The following TLCD5 variants were observed in gnomAD, a reference collection of about 807,000 sequenced individuals.
The protein encoded by TLCD5 is TLC domain containing 5, also known as TLC domain-containing protein 5.
TLCD5 carries 15 observed loss-of-function variants against 20.5 expected under a neutral mutation model. The ratio of observed to expected loss-of-function variants is 0.73; its 90% CI spans 0.49 to 1.13. The LOEUF is 1.13. Ranked by LOEUF, TLCD5 falls within the 50% of genes most tolerant of loss-of-function variation. The pLI, the probability that TLCD5 is intolerant of heterozygous loss-of-function variation, is 0.00. For synonymous variants in TLCD5, 107 were observed against 114.7 expected, an observed-to-expected ratio of 0.93 and a Z score of 0.43; for missense variants, 289 against 305.6, an observed-to-expected ratio of 0.95 and a Z score of 0.41.
At chr11:120,327,147 T>C (rs746020141) in intron 1 of TLCD5, 2 of 561,412 alleles carry the variant, frequency 3.6e-6, no homozygotes, top group Non-Finnish European at 6.3e-6. Context: ...AGGGTTATTA[T>C]TGACATTTAC....
At chr11:120,327,319 A>G in intron 1 of TLCD5, 122 bp from the exon 2 acceptor site, 2 of 1,524,236 alleles carry the variant, frequency 1.3e-6, no homozygotes, top group Non-Finnish European at 1.8e-6. Context: ...TAAGGAAAAT[A>G]AGATAAGGCA....
intron 1 of TLCD5, among the ~76,000 whole-genome samples, chr11:120,326,840 T>C (rs1054167849): frequency 2.0e-5 from 3 of 152,220 alleles, no homozygotes; most frequent in Non-Finnish European, 2.9e-5. Context: ...AAAGCCAGGA[T>C]TTCCCCCCAA....
intron 2 of TLCD5, among the ~76,000 whole-genome samples, chr11:120,328,920 G>GGATTACTCTAATTACCCCA (rs1942078337): frequency 7.9e-6 from 1 of 127,300 alleles, no homozygotes; most frequent in African/African-American, 3.6e-5. Context: ...CAGTCATAGT[G>GGATTACTCTAATTACCCCA]TGTGTGTGTG....
At position 120,333,267 on chromosome 11, in the gene TLCD5, T is replaced by TGGTACCAA. The variant is rs1197588567; in HGVS notation, c.*2753_*2760dup. 6.6e-6 allele frequency: 1 copy of TGGTACCAA among 152,206 alleles called. No homozygotes were observed. The highest frequency in any genetic ancestry group is 2.4e-5 in the African/African-American group (1 of 41,452). 9.4% of individuals were successfully genotyped at this position (152,206 alleles called of 1,614,324 possible). On this transcript the variant is annotated 3_prime_UTR_variant, in exon 3 of 3. Transcript: ENST00000375095. The surrounding 1 kb of genome is among the most constrained non-coding windows in gnomAD (Gnocchi z 4.5). ...ACCAGACAAATGAACAGGCTTAATC[T>TGGTACCAA]GGTACCAATTCTTTTTCTCTCTTAC...
chr11:120,327,421 T>A lies in TLCD5; in HGVS notation c.-1-20T>A. The A allele has an allele frequency of 6.2e-7, 1 of 1,614,110 alleles. No homozygotes were observed. The highest frequency in any genetic ancestry group is 8.5e-7 in the Non-Finnish European group (1 of 1,179,992). On this transcript the variant is annotated intron_variant, in intron 1 of 2. Transcript: ENST00000375095. Reference sequence around the variant, plus strand: ...TAGGGTGCATCCTTTGTTTTTCTGGTTTTGGTCTTTTCATCACAGGATGGC... The same window carrying A: ...TAGGGTGCATCCTTTGTTTTTCTGGATTTGGTCTTTTCATCACAGGATGGC...
chr11:120,327,202 C>A, intron 1 of TLCD5: 1 of 648,344 alleles, frequency 1.5e-6, no homozygotes, highest in Non-Finnish European at 2.6e-6. Flanking sequence ...GAGTGCAGTT[C>A]CTGGTTTCCA....
chr11:120,330,179 G>A lies in TLCD5; in HGVS notation c.402G>A (p.Glu134=). 6.3e-7 allele frequency: 1 copy of A among 1,588,476 alleles called. No individual in the cohort carries two copies. The highest frequency in any genetic ancestry group is 8.6e-7 in the Non-Finnish European group (1 of 1,166,328). The change falls in exon 3 of 3, where the codon GAG becomes GAA. Residue 134 remains glutamate (E), a synonymous_variant. Transcript: ENST00000375095. ...TCAATGCAGTCCTCTTTGGAAGTGA[G>A]CTTACCAACCCCTTGCTACAGATGC... The part of the protein sequence containing the change: ...TEVNAVLFGS[E]LTNPLLQMRW...
In TLCD5 at chr11:120,330,752, CTG is replaced by C; in HGVS notation, c.*240_*241del. The stretch of plus-strand genomic sequence containing the variant: ...CATGGTAGTTGGGAATAAGTGAGAA[CTG>C]TGAAGTGAGTACAACTGGCATTTGT... On this transcript the variant is annotated 3_prime_UTR_variant, in exon 3 of 3. Coordinates refer to ENST00000375095, the MANE Select transcript of TLCD5 (RefSeq NM_001198671.2). 1 of 449,670 alleles carries C rather than the reference CTG, an allele frequency of 2.2e-6. No individual in the cohort carries two copies. The highest frequency in any genetic ancestry group is 4.5e-5 in the South Asian group (1 of 22,346). 27.9% of individuals were successfully genotyped at this position (449,670 alleles called of 1,614,324 possible). A position where few individuals can be genotyped will look rare whatever the true frequency, so the allele number is the denominator to read the frequency against.
Position 120,325,346 on chromosome 11 carries a change from G to A in TLCD5, c.-24G>A, listed in dbSNP as rs1024983982. 2.6e-5 allele frequency: 4 copies of A among 152,332 alleles called. No individual in the cohort carries two copies. Among genetic ancestry groups the A allele is most frequent in the Admixed American group, 1.3e-4 (2 of 15,304 alleles). The allele number at this position is 152,332 out of a possible 1,614,324, so 9.4% of individuals were successfully genotyped here. A position where few individuals can be genotyped will look rare whatever the true frequency, so the allele number is the denominator to read the frequency against. On this transcript the variant is annotated 5_prime_UTR_variant, in exon 1 of 3. Coordinates refer to ENST00000375095, the MANE Select transcript of TLCD5 (RefSeq NM_001198671.2). ...GAGCTGCGGGCGCCCGGGCGCCCGA[G>A]GCTTCCCGGTGCGCTCCGCCAGGTA... is the stretch of plus-strand genomic sequence containing the variant.
intron 2 of TLCD5, 89 bp downstream of exon 2, chr11:120,327,729 A>C: frequency 7.9e-7 from 1 of 1,262,258 alleles, no homozygotes; most frequent in Non-Finnish European, 1.1e-6. Flanking sequence ...ACAATACTGA[A>C]GACTAATTCC....
rs1305013634 is a variant in TLCD5 at position 120,327,569 on chromosome 11, A to G, written c.128A>G (p.His43Arg). The G allele has an allele frequency of 1.3e-5, 21 of 1,614,018 alleles. No homozygotes were observed. The highest frequency in any genetic ancestry group is 1.4e-5 in the Non-Finnish European group (17 of 1,180,036). ...EWSCRLVTFT[H>R]GVLSIGLSAY... ...AGCTGCCGCCTGGTCACCTTCACCCATGGAGTCCTCTCTATAGGCCTCTCC... is the reference window on the plus strand; with the variant it reads ...AGCTGCCGCCTGGTCACCTTCACCCGTGGAGTCCTCTCTATAGGCCTCTCC... Residue 43 changes from histidine (H) to arginine (R), a missense_variant, in exon 2 of 3, where the codon CAT becomes CGT. Coordinates refer to ENST00000375095, the MANE Select transcript of TLCD5 (RefSeq NM_001198671.2).
intron 1 of TLCD5, among the ~76,000 whole-genome samples, chr11:120,325,712 C>T (rs987562715): frequency 1.3e-5 from 2 of 152,216 alleles, no homozygotes; most frequent in Non-Finnish European, 2.9e-5. Flanking sequence ...ACGGGAGAAA[C>T]CAGGAGAGGA....
Position 120,330,129 on chromosome 11 carries a change from G to A in TLCD5, c.352G>A (p.Val118Met), listed in dbSNP as rs1259397226. The part of the protein sequence containing the change: ...LSILGIIMAL[V>M]LGESGTEVNA... ...TATCTTGGGCATTATCATGGCCCTT[G>A]TGCTTGGGGAGTCTGGCACAGAGGT... Residue 118 changes from valine (V) to methionine (M), a missense_variant, in exon 3 of 3, where the codon GTG (valine) becomes ATG (methionine). Transcript: ENST00000375095. 2 of 1,613,490 alleles carry A rather than the reference G, an allele frequency of 1.2e-6. No individual in the cohort carries two copies. Among genetic ancestry groups the A allele is most frequent in the Non-Finnish European group, 1.7e-6 (2 of 1,179,652 alleles).
chr11:120,327,016 A>G (rs185670839), intron 1 of TLCD5: 141 of 255,570 alleles, frequency 5.5e-4, no homozygotes, highest in African/African-American at 2.7e-3. Context: ...GCAGAAACCA[A>G]CGTGGCAGTG....
intron 1 of TLCD5, chr11:120,327,143 A>G: frequency 1.8e-6 from 1 of 555,096 alleles, no homozygotes; most frequent in Non-Finnish European, 3.2e-6. Flanking sequence ...CTAGAGGGTT[A>G]TTATTGACAT....
In TLCD5 at chr11:120,327,542, G is replaced by A; in HGVS notation, c.101G>A (p.Trp34Ter). The change falls in exon 2 of 3, where the codon TGG (tryptophan) becomes TAG (stop). Residue 34 changes from tryptophan to a stop codon, truncating the protein, a stop_gained. Transcript: ENST00000375095. LOFTEE classifies it high-confidence loss of function. ...CTGAATAAGCACCGAAGCTATGAGT[G>A]GAGCTGCCGCCTGGTCACCTTCACC... is the stretch of plus-strand genomic sequence containing the variant. ...CHLNKHRSYE[W>*]SCRLVTFTHG... The A allele has an allele frequency of 6.2e-7, 1 of 1,614,168 alleles. No homozygotes were observed.
In TLCD5 at chr11:120,330,563, C is replaced by T. The variant is rs181032990; in HGVS notation, c.*48C>T. The T allele has an allele frequency of 3.2e-6, 5 of 1,552,084 alleles. No individual in the cohort carries two copies. In the East Asian group the frequency reaches 1.1e-4, roughly 35 times the overall value. On this transcript the variant is annotated 3_prime_UTR_variant, in exon 3 of 3. Transcript: ENST00000375095. Reference sequence around the variant, plus strand: ...GATTGGGTTAAGTCAGCCATGGGAACCAGGTTGGAAATATGACTGTTACAT... The same window carrying T: ...GATTGGGTTAAGTCAGCCATGGGAATCAGGTTGGAAATATGACTGTTACAT...
chr11:120,330,492 A>T lies in TLCD5; in HGVS notation c.715A>T (p.Asn239Tyr). The change falls in exon 3 of 3, where the codon AAC becomes TAC. Residue 239 changes from asparagine to tyrosine, a missense_variant. Coordinates refer to ENST00000375095, the MANE Select transcript of TLCD5 (RefSeq NM_001198671.2). The stretch of plus-strand genomic sequence containing the variant: ...GAGTGAGGAACGGCAGCTGAAACAC[A>T]ACGGACATCTCAAAATACACTAGCC... ...RRSEERQLKHNGHLKIH is the reference protein window; with the variant it reads ...RRSEERQLKHYGHLKIH 6.2e-7 allele frequency: 1 copy of T among 1,613,202 alleles called. No individual in the cohort carries two copies. The highest frequency in any genetic ancestry group is 8.5e-7 in the Non-Finnish European group (1 of 1,179,672).
chr11:120,327,717 G>A (rs1942035059), intron 2 of TLCD5, 77 bp downstream of exon 2: 1 of 1,401,136 alleles, frequency 7.1e-7, no homozygotes. Flanking sequence ...AACAGAATTT[G>A]TACAATACTG....
Sources: gnomAD v4.1 joint callset for allele counts (sites outside exome capture counted in the v4.1 genomes callset) on GRCh38, gnomAD v4.1.1 for gene constraint, Gnocchi (gnomAD v3.1) non-coding constraint, MANE v1.5 for transcripts, NCBI Gene and HGNC (gene_info 2026-07-23, HGNC 2026-07-21) for gene names.